ATP9B: variants seen among roughly 807,000 people sequenced by gnomAD.
ATP9B encodes ATPase phospholipid transporting 9B, also known as probable phospholipid-transporting ATPase IIB.
ATP9B carries 110 observed loss-of-function variants against 146.1 expected under a neutral mutation model. The observed-to-expected ratio is 0.75, with a 90% CI of 0.65 to 0.88. The LOEUF is 0.88. Ranked by LOEUF, ATP9B falls within the 40% of genes least tolerant of loss-of-function variation. The pLI, the probability that ATP9B is intolerant of heterozygous loss-of-function variation, is 0.00. For synonymous variants in ATP9B, 604 were observed against 569.7 expected (o/e 1.06, Z -0.86); for missense variants, 1,499 against 1,496.4 (o/e 1.00, Z -0.03).
intron 13 of ATP9B, among the ~76,000 whole-genome samples, chr18:79,282,954 C>T (rs760236458): frequency 6.6e-6 from 1 of 152,192 alleles, no homozygotes; most frequent in African/African-American, 2.4e-5. Flanking sequence ...CAGGGGCACC[C>T]AGGCCAACAG....
At chr18:79,165,018 T>C (rs1255379375) in intron 7 of ATP9B, among the ~76,000 whole-genome samples, 1 of 152,218 alleles carries the variant, frequency 6.6e-6, no homozygotes, top group Non-Finnish European at 1.5e-5. Context: ...TCTTACATAA[T>C]CTACTTTAAT....
Position 79,171,712 on chromosome 18 carries a change from C to T in ATP9B, c.779-5101C>T, listed in dbSNP as rs533890339. Among the ~76,000 whole-genome samples the T allele has an allele frequency of 2.4e-3, 371 of 152,276 alleles. 1 individual carries two copies. Among genetic ancestry groups the T allele is most frequent in the African/African-American group, 8.4e-3 (348 of 41,542 alleles). ...ACGCAGTCAAGGTGCAGAACTGTTG[C>T]ACCACCGTGAGGATCTCCCTCACAC... On this transcript the variant is annotated intron_variant, in intron 7 of 29. Transcript: ENST00000426216.
intron 1 of ATP9B, among the ~76,000 whole-genome samples, chr18:79,073,726 A>G (rs1338902494): frequency 2.0e-5 from 3 of 152,006 alleles, no homozygotes; most frequent in Non-Finnish European, 4.4e-5. Context: ...TGTTATCTCC[A>G]CTCTATTCTC....
chr18:79,195,804 G>A (rs548873021), intron 9 of ATP9B, among the ~76,000 whole-genome samples: 4 of 152,266 alleles, frequency 2.6e-5, no homozygotes, highest in African/African-American at 9.6e-5. Flanking sequence ...AGAGAGTCAA[G>A]GAAACGAGAT....
At chr18:79,261,254 A>G (rs1010698534) in intron 12 of ATP9B, among the ~76,000 whole-genome samples, 1 of 152,162 alleles carries the variant, frequency 6.6e-6, no homozygotes, top group East Asian at 1.9e-4. Context: ...GCATGCCGTG[A>G]TGGCCCCCAG....
chr18:79,362,166 AT>A (rs2096993630), intron 26 of ATP9B: 4 of 152,248 alleles, frequency 2.6e-5, no homozygotes, highest in Admixed American at 2.0e-4. Flanking sequence ...AGAAGACTCA[AT>A]TGGAAAGAAA....
At chr18:79,110,319 A>C in intron 2 of ATP9B, 36 bp from the exon 3 acceptor site, 1 of 1,499,548 alleles carries the variant, frequency 6.7e-7, no homozygotes, top group Non-Finnish European at 8.9e-7. Context: ...AAAAAGCAAA[A>C]AAAAATACAC....
intron 7 of ATP9B, among the ~76,000 whole-genome samples, chr18:79,175,588 C>A (rs2095152368): frequency 6.6e-6 from 1 of 152,178 alleles, no homozygotes; most frequent in Non-Finnish European, 1.5e-5. Flanking sequence ...CACAGATATG[C>A]ATGCATGCGT....
intron 17 of ATP9B, among the ~76,000 whole-genome samples, chr18:79,334,710 A>G (rs1029563125): frequency 6.6e-6 from 1 of 151,952 alleles, no homozygotes; most frequent in Non-Finnish European, 1.5e-5. Flanking sequence ...GTGTGCTCAC[A>G]GCTAAGTCCT....
intron 15 of ATP9B, among the ~76,000 whole-genome samples, chr18:79,321,122 T>C (rs1445685827): frequency 6.6e-6 from 1 of 152,230 alleles, no homozygotes; most frequent in Non-Finnish European, 1.5e-5. Context: ...GAGAATTCGC[T>C]AGGCTGCTTT....
At chr18:79,293,571 C>A (rs1214511826) in intron 13 of ATP9B, among the ~76,000 whole-genome samples, 2 of 152,208 alleles carry the variant, frequency 1.3e-5, no homozygotes, top group African/African-American at 4.8e-5. Context: ...TCCCCACCAG[C>A]AGAAAGGCCC....
intron 6 of ATP9B, among the ~76,000 whole-genome samples, chr18:79,153,017 A>G (rs1241085760): frequency 1.3e-5 from 2 of 152,176 alleles, no homozygotes; most frequent in African/African-American, 4.8e-5. Flanking sequence ...TTTTTTATGT[A>G]GAGGTCTTGC....
chr18:79,365,194 C>G (rs1037889912), intron 26 of ATP9B, among the ~76,000 whole-genome samples: 1 of 152,002 alleles, frequency 6.6e-6, no homozygotes, highest in African/African-American at 2.4e-5. Flanking sequence ...TTAAAGTAGA[C>G]AGAAGATATT....
intron 26 of ATP9B, among the ~76,000 whole-genome samples, chr18:79,369,660 C>A (rs2147972243): frequency 6.6e-6 from 1 of 152,242 alleles, no homozygotes; most frequent in Non-Finnish European, 1.5e-5. Flanking sequence ...AGTGGCTGGT[C>A]CCATGCCACG....
intron 12 of ATP9B, among the ~76,000 whole-genome samples, chr18:79,258,361 TTGAGGC>T (rs1174027781): frequency 6.6e-6 from 1 of 151,956 alleles, no homozygotes; most frequent in African/African-American, 2.4e-5. Flanking sequence ...GCCCAGGAGG[TTGAGGC>T]TGCAGTGAGC....
chr18:79,327,939 G>GCT (rs2096767430), intron 15 of ATP9B, among the ~76,000 whole-genome samples: 1 of 99,088 alleles, frequency 1.0e-5, no homozygotes, highest in Non-Finnish European at 2.1e-5. Context: ...TGGTTAGCGT[G>GCT]CTCTCCGTGG....
intron 13 of ATP9B, among the ~76,000 whole-genome samples, chr18:79,278,191 T>C (rs914310128): frequency 2.0e-5 from 3 of 152,126 alleles, no homozygotes; most frequent in African/African-American, 7.2e-5. Context: ...GCTGCGTCCA[T>C]AGAAGACACA....
chr18:79,209,835 C>T, intron 10 of ATP9B: 1 of 227,828 alleles, frequency 4.4e-6, no homozygotes. Context: ...AACAGTTACA[C>T]ATTCTATATA....
chr18:79,372,909 A>G (rs752778953), intron 27 of ATP9B, 27 bp downstream of exon 27: 23 of 1,514,600 alleles, frequency 1.5e-5, no homozygotes, highest in Non-Finnish European at 2.0e-5. Flanking sequence ...AGTTTACTGG[A>G]CTAAAGATTT....
Sources: gnomAD v4.1 joint callset for allele counts (sites outside exome capture counted in the v4.1 genomes callset) on GRCh38, gnomAD v4.1.1 for gene constraint, MANE v1.5 for transcripts, NCBI Gene and HGNC (gene_info 2026-07-23, HGNC 2026-07-21) for gene names.